The following HPSE2 variants were observed in gnomAD, a reference collection of about 807,000 sequenced individuals.
The protein encoded by HPSE2 is inactive heparanase-2.
In HPSE2, 38 loss-of-function variants were observed where a neutral mutation model predicts 60.5. The ratio of observed to expected loss-of-function variants is 0.63; its 90% CI spans 0.48 to 0.82. The LOEUF (loss-of-function observed/expected upper bound fraction) is 0.82, where lower values mean the gene tolerates loss of function less well. Ranked by LOEUF, HPSE2 falls within the 40% of genes least tolerant of loss-of-function variation. The pLI is 0.00. For synonymous variants in HPSE2, 295 were observed against 293.2 expected (o/e 1.01, Z -0.06); for missense variants, 713 against 740.4 (o/e 0.96, Z 0.43).
chr10:98,925,683 T>C (rs1414145513), intron 3 of HPSE2, among the ~76,000 whole-genome samples: 1 of 152,130 alleles, frequency 6.6e-6, no homozygotes, highest in Non-Finnish European at 1.5e-5. Flanking sequence ...TACTCAGCCT[T>C]TGTTTGTGTG....
intron 2 of HPSE2, among the ~76,000 whole-genome samples, chr10:99,166,987 C>CT (rs745679614): frequency 2.7e-5 from 4 of 148,982 alleles, no homozygotes; most frequent in African/African-American, 5.0e-5. Context: ...TTCTTTTTTT[C>CT]TTTTTTCTTT....
chr10:98,647,243 A>T (rs1946794592), intron 6 of HPSE2, among the ~76,000 whole-genome samples: 1 of 152,194 alleles, frequency 6.6e-6, no homozygotes, highest in Non-Finnish European at 1.5e-5. Context: ...TTCAGTCTTC[A>T]GGATTGTACT....
chr10:98,522,314 G>C (rs920637281), intron 9 of HPSE2, among the ~76,000 whole-genome samples: 8 of 151,788 alleles, frequency 5.3e-5, no homozygotes, highest in African/African-American at 1.9e-4. Context: ...GCTGTGGAGA[G>C]ATAGAGAATC....
rs374530789 is a variant in HPSE2, at chr10:98,931,788, G to A, written c.611-187732C>T. Among the ~76,000 whole-genome samples, 232 of 143,660 alleles carry A rather than the reference G, an allele frequency of 1.6e-3. 19 individuals are homozygous for A. The South Asian group carries it at 0.027, about 17-fold the overall frequency. 94.2% of individuals were successfully genotyped at this position (143,660 alleles called of 152,430 possible). A position where few individuals can be genotyped will look rare whatever the true frequency, so the allele number is the denominator to read the frequency against. ...CTGCTTGTCTGTTGTTGGTGTATAG[G>A]AATGCTTGTGATTTCTGCACATTGA... On this transcript the variant is annotated intron_variant, in intron 3 of 11. Transcript: ENST00000370552.
intron 9 of HPSE2, among the ~76,000 whole-genome samples, chr10:98,541,698 A>G (rs1943467600): frequency 6.6e-6 from 1 of 152,226 alleles, no homozygotes; most frequent in African/African-American, 2.4e-5. Flanking sequence ...TCCTACACCC[A>G]CGGAGTCTTG....
chr10:98,679,690 TTA>T (rs1322344941), intron 6 of HPSE2, among the ~76,000 whole-genome samples: 2 of 152,146 alleles, frequency 1.3e-5, no homozygotes, highest in African/African-American at 4.8e-5. Flanking sequence ...TGGGATTATT[TTA>T]GTTTTCGTTT....
At chr10:98,685,440 G>A (rs1407441377) in intron 6 of HPSE2, among the ~76,000 whole-genome samples, 2 of 151,962 alleles carry the variant, frequency 1.3e-5, no homozygotes, top group African/African-American at 2.4e-5. Context: ...TCCCTACCCC[G>A]ACACTCACTA....
At chr10:98,473,805 T>C (rs1411639931) in intron 11 of HPSE2, among the ~76,000 whole-genome samples, 1 of 152,190 alleles carries the variant, frequency 6.6e-6, no homozygotes, top group Non-Finnish European at 1.5e-5. Flanking sequence ...ACATGGAGGC[T>C]CTTTCCTACA....
At chr10:98,493,868 A>G (rs1162532146) in intron 9 of HPSE2, among the ~76,000 whole-genome samples, 1 of 152,152 alleles carries the variant, frequency 6.6e-6, no homozygotes, top group Non-Finnish European at 1.5e-5. Flanking sequence ...CTCCTTTCCT[A>G]TATCACTATC....
intron 3 of HPSE2, among the ~76,000 whole-genome samples, chr10:98,869,249 T>A (rs1007960803): frequency 2.6e-5 from 4 of 152,168 alleles, no homozygotes; most frequent in African/African-American, 9.6e-5. Context: ...TTGTCATGAT[T>A]TTCTTTATAT....
chr10:99,004,559 T>A (rs1481206137), intron 3 of HPSE2, among the ~76,000 whole-genome samples: 1 of 152,180 alleles, frequency 6.6e-6, no homozygotes, highest in Non-Finnish European at 1.5e-5. Flanking sequence ...TATTTTATGT[T>A]TTTGATGTCA....
chr10:98,637,648 C>T (rs1946531087), intron 7 of HPSE2, among the ~76,000 whole-genome samples: 1 of 152,122 alleles, frequency 6.6e-6, no homozygotes. Context: ...AAATCCTGGG[C>T]CCAATACCCT....
chr10:98,529,949 AG>A (rs1267356607), intron 9 of HPSE2, among the ~76,000 whole-genome samples: 5 of 152,160 alleles, frequency 3.3e-5, no homozygotes, highest in African/African-American at 2.4e-5. Context: ...GTATTGAAAA[AG>A]GTTTATGCCA....
intron 3 of HPSE2, among the ~76,000 whole-genome samples, chr10:98,797,355 T>G (rs1950800434): frequency 6.6e-6 from 1 of 152,220 alleles, no homozygotes; most frequent in East Asian, 1.9e-4. Context: ...TGCTGAAAAC[T>G]GTATCAGTCT....
intron 6 of HPSE2, among the ~76,000 whole-genome samples, chr10:98,643,236 G>A (rs1589558079): frequency 6.6e-6 from 1 of 152,148 alleles, no homozygotes. Context: ...GTCTCTATGG[G>A]CCTCAGTTTT....
At chr10:98,776,076 C>G (rs935842645) in intron 3 of HPSE2, among the ~76,000 whole-genome samples, 25 of 152,228 alleles carry the variant, frequency 1.6e-4, no homozygotes, top group African/African-American at 5.8e-4. Context: ...GTTGCCACAG[C>G]CTTCCCATTT....
intron 9 of HPSE2, among the ~76,000 whole-genome samples, chr10:98,536,730 C>T (rs568586598): frequency 2.0e-4 from 30 of 152,238 alleles, no homozygotes; most frequent in African/African-American, 7.2e-4. Context: ...CACACACATG[C>T]CACAAATGCT....
At position 98,547,355 on chromosome 10, in the gene HPSE2, C is replaced by T. The variant is rs1445926203; in HGVS notation, c.1321-57159G>A. Among the ~76,000 whole-genome samples the T allele has an allele frequency of 7.8e-3, 1,159 of 149,216 alleles. 7 individuals carry two copies. The highest frequency in any genetic ancestry group is 0.014 in the Non-Finnish European group (933 of 67,480). ...ATGCTGCTATAAAGACACATGCACACGTATGTTTATGGCGCCATTATTCAC... is the reference window on the plus strand; with the variant it reads ...ATGCTGCTATAAAGACACATGCACATGTATGTTTATGGCGCCATTATTCAC... On this transcript the variant is annotated intron_variant, in intron 9 of 11. Coordinates refer to ENST00000370552, the MANE Select transcript of HPSE2 (RefSeq NM_021828.5).
intron 2 of HPSE2, among the ~76,000 whole-genome samples, chr10:99,186,768 G>C (rs1158991350): frequency 2.0e-5 from 3 of 152,038 alleles, no homozygotes; most frequent in Non-Finnish European, 4.4e-5. Flanking sequence ...CAGACAGAAG[G>C]AATATATGTC....
Sources: allele counts gnomAD v4.1 joint callset (sites outside exome capture counted in the v4.1 genomes callset), GRCh38; gene constraint gnomAD v4.1.1; transcripts MANE v1.5; gene names NCBI Gene and HGNC (gene_info 2026-07-23, HGNC 2026-07-21).